Variants in TENM3 observed in about 807,000 individuals in gnomAD.
TENM3 encodes teneurin transmembrane protein 3.
Under a neutral mutation model 255.1 loss-of-function variants are expected in TENM3, and 63 were observed. The ratio of observed to expected loss-of-function variants is 0.25; its 90% CI spans 0.20 to 0.30. The LOEUF is 0.30. Among genes scored for constraint, TENM3 ranks in the 10% least tolerant of loss-of-function variants. The probability of loss-of-function intolerance (pLI) is 1.00; values close to 1 mark genes in which losing one functional copy is unlikely to be tolerated. For missense variants in TENM3, 2,929 were observed against 3,461.1 expected (o/e 0.85, Z 3.86); for synonymous variants, 1,306 against 1,322.3 (o/e 0.99, Z 0.27).
the TENM3 span, among the ~76,000 whole-genome samples, chr4:182,107,954 G>A: frequency 6.6e-6 from 1 of 152,248 alleles, no homozygotes; most frequent in African/African-American, 2.4e-5. Context: ...CGTAAATCAA[G>A]GTTCTTCAAG....
chr4:182,105,736 A>G, the TENM3 span, among the ~76,000 whole-genome samples: 12 of 152,092 alleles, frequency 7.9e-5, no homozygotes, highest in Admixed American at 2.0e-4. Flanking sequence ...TATATTTGGC[A>G]CCCTTATGTA....
At chr4:181,943,598 A>T in the TENM3 span, among the ~76,000 whole-genome samples, 1 of 152,122 alleles carries the variant, frequency 6.6e-6, no homozygotes, top group Non-Finnish European at 1.5e-5. Context: ...CACTTATTTA[A>T]TCTGTTTCTT....
At chr4:182,082,186 A>G in the TENM3 span, among the ~76,000 whole-genome samples, 1 of 152,220 alleles carries the variant, frequency 6.6e-6, no homozygotes, top group Non-Finnish European at 1.5e-5. Context: ...TCAAGGTGCC[A>G]GCAGATTCAG....
At chr4:181,645,532 A>C in the TENM3 span, among the ~76,000 whole-genome samples, 88 of 152,172 alleles carry the variant, frequency 5.8e-4, no homozygotes, top group Admixed American at 1.2e-3. Context: ...TATTCTCAAA[A>C]TTATTACAGA....
At chr4:181,620,361 T>C in the TENM3 span, among the ~76,000 whole-genome samples, 2 of 152,148 alleles carry the variant, frequency 1.3e-5, no homozygotes, top group East Asian at 3.8e-4. Flanking sequence ...TATACCCAAA[T>C]TCGCACACAC....
At chr4:182,457,125 C>T (rs2151365751) in intron 3 of TENM3, among the ~76,000 whole-genome samples, 1 of 149,166 alleles carries the variant, frequency 6.7e-6, no homozygotes, top group African/African-American at 2.5e-5. Context: ...GCGGAGGTTG[C>T]AGTGAGCCGA....
chr4:182,552,795 T>C (rs1434506317), intron 3 of TENM3, among the ~76,000 whole-genome samples: 1 of 152,230 alleles, frequency 6.6e-6, no homozygotes, highest in Non-Finnish European at 1.5e-5. Flanking sequence ...TATTTTAATA[T>C]GAGTCCTCTT....
At chr4:182,661,326 G>A (rs571478097) in intron 6 of TENM3, among the ~76,000 whole-genome samples, 4 of 149,376 alleles carry the variant, frequency 2.7e-5, no homozygotes, top group Admixed American at 1.4e-4. Context: ...TCAGCCTCCC[G>A]AGTAGCTGGG....
chr4:182,630,878 G>C (rs1751306961), intron 5 of TENM3, among the ~76,000 whole-genome samples: 1 of 151,932 alleles, frequency 6.6e-6, no homozygotes, highest in East Asian at 1.9e-4. Flanking sequence ...AAGTGCCTGT[G>C]TGCTTCCAGT....
chr4:182,130,811 A>G, the TENM3 span, among the ~76,000 whole-genome samples: 1 of 152,202 alleles, frequency 6.6e-6, no homozygotes, highest in East Asian at 1.9e-4. Flanking sequence ...AATTTTTCCT[A>G]CGTAAGCTGA....
the TENM3 span, among the ~76,000 whole-genome samples, chr4:181,810,877 G>A: frequency 1.3e-5 from 2 of 152,188 alleles, no homozygotes; most frequent in East Asian, 3.9e-4. Flanking sequence ...TAAGGAGTGT[G>A]GGAAGATGAT....
intron 18 of TENM3, among the ~76,000 whole-genome samples, chr4:182,740,709 A>G (rs1579305239): frequency 6.6e-6 from 1 of 152,328 alleles, no homozygotes; most frequent in Admixed American, 6.5e-5. Flanking sequence ...ACAACACACG[A>G]TATTATATTC....
intron 3 of TENM3, among the ~76,000 whole-genome samples, chr4:182,439,314 T>G (rs963023545): frequency 2.0e-5 from 3 of 152,220 alleles, no homozygotes; most frequent in African/African-American, 7.2e-5. Context: ...CTGTGTATGT[T>G]TCTATGATTT....
chr4:182,389,988 T>C (rs963058839), intron 3 of TENM3, among the ~76,000 whole-genome samples: 6 of 152,208 alleles, frequency 3.9e-5, no homozygotes, highest in South Asian at 2.1e-4. Context: ...CCCGGCCCAG[T>C]AGATGACTCT....
chr4:181,458,086 C>T, the TENM3 span, among the ~76,000 whole-genome samples: 2 of 151,838 alleles, frequency 1.3e-5, no homozygotes, highest in Non-Finnish European at 2.9e-5. Context: ...CCTATTGTAC[C>T]GCAAACAATT....
At chr4:182,467,847 T>G (rs1732745330) in intron 3 of TENM3, among the ~76,000 whole-genome samples, 1 of 152,154 alleles carries the variant, frequency 6.6e-6, no homozygotes, top group Non-Finnish European at 1.5e-5. Flanking sequence ...TTATGCCTTT[T>G]TAGGGGAGCA....
chr4:182,273,471 A>G (rs192707802), intron 1 of TENM3, among the ~76,000 whole-genome samples: 386 of 152,302 alleles, frequency 2.5e-3, no homozygotes, highest in Non-Finnish European at 4.4e-3. Flanking sequence ...AGGGCGAGCT[A>G]TTCTTTACTC....
the TENM3 span, among the ~76,000 whole-genome samples, chr4:181,756,872 C>A: frequency 6.6e-6 from 1 of 152,146 alleles, no homozygotes; most frequent in East Asian, 1.9e-4. Flanking sequence ...ACAAAGCATT[C>A]TTTCTTTGGA....
the TENM3 span, among the ~76,000 whole-genome samples, chr4:181,649,222 T>C: frequency 1.1e-4 from 16 of 152,208 alleles, no homozygotes; most frequent in Admixed American, 6.5e-5. Flanking sequence ...ATAGTTTTCA[T>C]TGGCTCCCTA....
Sources: allele counts gnomAD v4.1 joint callset (sites outside exome capture counted in the v4.1 genomes callset), GRCh38; gene constraint gnomAD v4.1.1; transcripts MANE v1.5; gene names NCBI Gene and HGNC (gene_info 2026-07-23, HGNC 2026-07-21).